The following SCNN1B variants were observed in gnomAD, a reference collection of about 807,000 sequenced individuals.
The protein encoded by SCNN1B is sodium channel epithelial 1 subunit beta, also known as epithelial sodium channel subunit beta.
Under a neutral mutation model 65.3 loss-of-function variants are expected in SCNN1B, and 46 were observed. The observed-to-expected ratio is 0.70, with a 90% CI of 0.56 to 0.90. The LOEUF is 0.90. SCNN1B is among the 40% of genes least tolerant of loss of function. The pLI is 0.00. For synonymous variants in SCNN1B, 349 were observed against 330.6 expected, an observed-to-expected ratio of 1.06 and a Z score of -0.60; for missense variants, 751 against 830.5, an observed-to-expected ratio of 0.90 and a Z score of 1.18.
chr16:23,336,948 A>C (rs917154920), intron 1 of SCNN1B, among the ~76,000 whole-genome samples: 3 of 152,206 alleles, frequency 2.0e-5, no homozygotes, highest in Admixed American at 2.0e-4. Context: ...CAAATGATCA[A>C]TGCTAAGGAA....
At chr16:23,379,824 G>T (rs903751919) in intron 11 of SCNN1B, among the ~76,000 whole-genome samples, 1 of 152,192 alleles carries the variant, frequency 6.6e-6, no homozygotes, top group Non-Finnish European at 1.5e-5. Context: ...GCCCAGAAGG[G>T]CCGGGAAGGG....
At chr16:23,309,437 T>TAGATAGATAGAC (rs1390140250) in intron 1 of SCNN1B, among the ~76,000 whole-genome samples, 2 of 140,986 alleles carry the variant, frequency 1.4e-5, no homozygotes, top group South Asian at 4.4e-4. Flanking sequence ...GATAGATAGA[T>TAGATAGATAGAC]AGACAGATAG....
chr16:23,290,854 G>A (rs773967615), intron 2 of SCNN1B, among the ~76,000 whole-genome samples: 4 of 152,134 alleles, frequency 2.6e-5, no homozygotes, highest in East Asian at 3.9e-4. Flanking sequence ...TAAAAGTTTC[G>A]AAAGTTTTGA....
chr16:23,371,499 G>A (rs1293536456), intron 6 of SCNN1B, 37 bp downstream of exon 6: 15 of 1,606,984 alleles, frequency 9.3e-6, no homozygotes, highest in Middle Eastern at 2.1e-4. Flanking sequence ...TAGAGGGTCT[G>A]AGGGTGGGAG....
intron 4 of SCNN1B, among the ~76,000 whole-genome samples, chr16:23,360,862 T>G (rs1198946794): frequency 6.6e-6 from 1 of 152,016 alleles, no homozygotes; most frequent in African/African-American, 2.4e-5. Context: ...TGGCACTATC[T>G]CGGCTCACCA....
chr16:23,326,192 C>T (rs184295768), intron 1 of SCNN1B, among the ~76,000 whole-genome samples: 412 of 151,394 alleles, frequency 2.7e-3, no homozygotes, highest in African/African-American at 9.8e-3. Context: ...ACTTAGAATC[C>T]TGGTTTTTTT....
chr16:23,280,486 T>G (rs1960769480), intron 1 of SCNN1B, among the ~76,000 whole-genome samples: 1 of 152,186 alleles, frequency 6.6e-6, no homozygotes, highest in Non-Finnish European at 1.5e-5. Context: ...CCCGAAGTGC[T>G]GGGATTATAG....
rs568119935 is a variant in SCNN1B at position 23,371,356 on chromosome 16, C to T, written c.938C>T (p.Thr313Met). 2.8e-5 allele frequency: 45 copies of T among 1,614,172 alleles called. No individual in the cohort carries two copies. Among genetic ancestry groups the T allele is most frequent in the Non-Finnish European group, 3.6e-5 (42 of 1,180,018 alleles). ...QEDYVPFLASTAGVRLMLHEQ... is the reference protein window; with the variant it reads ...QEDYVPFLASMAGVRLMLHEQ... The stretch of plus-strand genomic sequence containing the variant: ...GACTACGTCCCCTTCCTTGCGTCCA[C>T]GGCCGGGGTCAGGCTGATGCTTCAC... Residue 313 changes from threonine (T) to methionine (M), a missense_variant, in exon 6 of 13, where the codon ACG becomes ATG. Thr to Met is a moderately conservative substitution (Grantham distance 81, BLOSUM62 -1). Transcript: ENST00000343070.
intron 2 of SCNN1B, among the ~76,000 whole-genome samples, chr16:23,293,652 C>T (rs920498668): frequency 5.3e-5 from 8 of 152,080 alleles, no homozygotes; most frequent in Admixed American, 1.3e-4. Context: ...ATGAGCTGGG[C>T]GTGGTGGCTC....
In SCNN1B at chr16:23,380,924, T is replaced by C; in HGVS notation, c.*123T>C. 6 of 1,110,350 alleles carry C rather than the reference T, an allele frequency of 5.4e-6. No individual in the cohort carries two copies. The highest frequency in any genetic ancestry group is 8.2e-6 in the Non-Finnish European group (6 of 732,500). 68.8% of individuals were successfully genotyped at this position (1,110,350 alleles called of 1,614,324 possible). ...GGGTAGCTCTCCAGGCCAGAGCTTG[T>C]GTCCTTCAACAGAGAGGCCAGCGGC... On this transcript the variant is annotated 3_prime_UTR_variant, in exon 13 of 13. Transcript: ENST00000343070. The surrounding 1 kb of genome is among the most constrained non-coding windows in gnomAD (Gnocchi z 5.4).
chr16:23,335,383 G>C (rs1246176839), intron 1 of SCNN1B, among the ~76,000 whole-genome samples: 3 of 152,094 alleles, frequency 2.0e-5, no homozygotes, highest in Non-Finnish European at 4.4e-5. Context: ...ATACTTGTGG[G>C]CTCAAAGATC....
chr16:23,283,699 T>C (rs918746008), intron 1 of SCNN1B: 2 of 151,988 alleles, frequency 1.3e-5, no homozygotes, highest in Non-Finnish European at 2.9e-5. Context: ...ATAGAGGAAA[T>C]TTGATACAAG....
chr16:23,300,993 C>CGTGTGTGTGTGTGT (rs60930177), upstream of SCNN1B, among the ~76,000 whole-genome samples: 3,055 of 148,448 alleles, frequency 0.021, 60 homozygotes, highest in East Asian at 0.096. Context: ...GTTAAAAACA[C>CGTGTGTGTGTGTGT]GTGTGTGTGT....
chr16:23,294,637 C>T (rs1596810703), intron 2 of SCNN1B, among the ~76,000 whole-genome samples: 1 of 152,158 alleles, frequency 6.6e-6, no homozygotes, highest in East Asian at 1.9e-4. Flanking sequence ...ATCTGCAGAG[C>T]CAACCTCCAT....
chr16:23,303,824 C>A (rs531939323), intron 1 of SCNN1B: 113 of 556,418 alleles, frequency 2.0e-4, no homozygotes, highest in African/African-American at 2.0e-3. Flanking sequence ...GAGGCTGACG[C>A]AGGTGGATCG....
chr16:23,376,970 G>T (rs1962911414), intron 8 of SCNN1B, among the ~76,000 whole-genome samples, 195 bp from the exon 9 acceptor site: 1 of 152,180 alleles, frequency 6.6e-6, no homozygotes, highest in Non-Finnish European at 1.5e-5. Flanking sequence ...CCTGAGCTGG[G>T]CCCCAGGCCA....
upstream of SCNN1B, among the ~76,000 whole-genome samples, chr16:23,301,413 TGGAG>T (rs199742074): frequency 2.6e-3 from 233 of 91,222 alleles, 3 homozygotes; most frequent in East Asian, 0.052. Flanking sequence ...GGGAGGGAGG[TGGAG>T]AGAGAGAGAG....
At position 23,282,451 on chromosome 16, in the gene SCNN1B, G is replaced by A. The variant is rs919847067; in HGVS notation, n.111-1286G>A. 2.0e-5 allele frequency among the ~76,000 whole-genome samples: 3 copies of A among 152,130 alleles called. No individual in the cohort carries two copies. The South Asian group carries it at 6.2e-4, about 32-fold the overall frequency. On this transcript the variant is annotated intron_variant and non_coding_transcript_variant, in intron 1 of 3. Coordinates refer to the SCNN1B transcript ENST00000569789. The stretch of plus-strand genomic sequence containing the variant: ...GAGGCTAAGAGAGATTAGGTAACTT[G>A]CCAAGATTCACAAAGCAAATAAGTA...
intron 1 of SCNN1B, among the ~76,000 whole-genome samples, chr16:23,281,022 G>A (rs1960776901): frequency 3.3e-5 from 5 of 152,204 alleles, no homozygotes. Context: ...ATGGACCCTG[G>A]AGGTGGACTG....
Sources: allele counts gnomAD v4.1 joint callset (sites outside exome capture counted in the v4.1 genomes callset), GRCh38; gene constraint gnomAD v4.1.1; non-coding constraint Gnocchi (gnomAD v3.1); transcripts MANE v1.5; gene names NCBI Gene and HGNC (gene_info 2026-07-23, HGNC 2026-07-21).